Variants in RB1 observed in about 807,000 individuals in gnomAD.
RB1 encodes RB transcriptional corepressor 1, also known as retinoblastoma-associated protein.
In RB1, 18 loss-of-function variants were observed where a neutral mutation model predicts 135.4. That is an observed-to-expected ratio of 0.13 (90% confidence interval 0.09 to 0.20). The LOEUF (loss-of-function observed/expected upper bound fraction) is 0.20, where lower values mean the gene tolerates loss of function less well. Ranked by LOEUF, RB1 falls within the 10% of genes least tolerant of loss-of-function variation. RB1 has a pLI of 1.00. For synonymous variants in RB1, 365 were observed against 373.2 expected (o/e 0.98, Z 0.25); for missense variants, 868 against 1,110.0 (o/e 0.78, Z 3.10).
chr13:48,308,654 A>AAAAAAAAAC (rs1555279641), intron 2 of RB1, among the ~76,000 whole-genome samples: 1 of 152,062 alleles, frequency 6.6e-6, no homozygotes, highest in Non-Finnish European at 1.5e-5. Flanking sequence ...TCCATCTCAA[A>AAAAAAAAAC]AAAAAAACAA....
At chr13:48,353,913 A>C (rs1335818919) in intron 6 of RB1, among the ~76,000 whole-genome samples, 2 of 152,104 alleles carry the variant, frequency 1.3e-5, no homozygotes, top group Non-Finnish European at 2.9e-5. Context: ...AACCCTAAAA[A>C]ACCTGAGGAT....
At position 48,480,479 on chromosome 13, in the gene RB1, T is replaced by A. The variant is rs1949532224; in HGVS notation, c.*408T>A. 1 of 235,432 alleles carries A rather than the reference T, an allele frequency of 4.2e-6. No homozygotes were observed. Among genetic ancestry groups the A allele is most frequent in the African/African-American group, 2.2e-5 (1 of 45,208 alleles). The allele number at this position is 235,432 out of a possible 1,614,324, so 14.6% of individuals were successfully genotyped here. A position where few individuals can be genotyped will look rare whatever the true frequency, so the allele number is the denominator to read the frequency against. ...TTTATTAATTTATATGTATATTTTT[T>A]TAATTTAACATGAACACCCTTAGAA... On this transcript the variant is annotated 3_prime_UTR_variant, in exon 27 of 27. Transcript: ENST00000267163.
chr13:48,455,468 C>T (rs185837131), intron 18 of RB1, among the ~76,000 whole-genome samples: 10 of 152,234 alleles, frequency 6.6e-5, no homozygotes, highest in African/African-American at 1.4e-4. Context: ...GATAATGGGT[C>T]GCTTTTCTTA....
At chr13:48,451,170 G>A (rs994963022) in intron 17 of RB1, among the ~76,000 whole-genome samples, 1 of 152,132 alleles carries the variant, frequency 6.6e-6, no homozygotes, top group Non-Finnish European at 1.5e-5. Context: ...CCAATACTAT[G>A]TTGAATAGGA....
chr13:48,357,549 T>C (rs1194092572), intron 6 of RB1, among the ~76,000 whole-genome samples: 1 of 152,072 alleles, frequency 6.6e-6, no homozygotes, highest in African/African-American at 2.4e-5. Flanking sequence ...TTAACCCTCC[T>C]GCTAACCCAG....
At chr13:48,435,099 A>G (rs1004472212) in intron 17 of RB1, among the ~76,000 whole-genome samples, 88 of 152,158 alleles carry the variant, frequency 5.8e-4, no homozygotes, top group African/African-American at 2.0e-3. Flanking sequence ...GAAGAGTTGT[A>G]TGGTTATTTT....
At chr13:48,448,318 T>C (rs1300826386) in intron 17 of RB1, among the ~76,000 whole-genome samples, 1 of 151,930 alleles carries the variant, frequency 6.6e-6, no homozygotes, top group Non-Finnish European at 1.5e-5. Flanking sequence ...AGTTGTAGAG[T>C]CTGCTTCTTT....
intron 17 of RB1, among the ~76,000 whole-genome samples, chr13:48,440,805 T>C (rs1305483795): frequency 6.6e-6 from 1 of 152,104 alleles, no homozygotes; most frequent in Non-Finnish European, 1.5e-5. Flanking sequence ...AAATAGAAAA[T>C]GAAAGGAGCT....
intron 24 of RB1, among the ~76,000 whole-genome samples, chr13:48,474,374 T>C (rs1949491242): frequency 6.6e-6 from 1 of 152,126 alleles, no homozygotes; most frequent in Non-Finnish European, 1.5e-5. Flanking sequence ...GATGGTCCCA[T>C]CACCCTTATC....
chr13:48,307,482 T>C, intron 2 of RB1, 76 bp downstream of exon 2: 1 of 1,399,854 alleles, frequency 7.1e-7, no homozygotes, highest in Non-Finnish European at 1.0e-6. Context: ...ATACAAAAAT[T>C]GAAAGATAGA....
intron 2 of RB1, among the ~76,000 whole-genome samples, chr13:48,321,750 C>T (rs530824733): frequency 1.3e-5 from 2 of 152,056 alleles, no homozygotes; most frequent in East Asian, 3.9e-4. Flanking sequence ...CAGCTACTCT[C>T]GAGACTGAGG....
chr13:48,353,943 G>A (rs1284425291), intron 6 of RB1, among the ~76,000 whole-genome samples: 1 of 151,986 alleles, frequency 6.6e-6, no homozygotes, highest in Admixed American at 6.6e-5. Context: ...ATACCTTAAC[G>A]TAATAAAAGC....
intron 23 of RB1, among the ~76,000 whole-genome samples, chr13:48,465,688 C>A (rs1045981724): frequency 6.6e-6 from 1 of 151,254 alleles, no homozygotes; most frequent in African/African-American, 2.4e-5. Context: ...TGGGCGCAGG[C>A]CAGTGTGTGT....
At chr13:48,453,405 G>A (rs1183694207) in intron 18 of RB1, among the ~76,000 whole-genome samples, 1 of 152,180 alleles carries the variant, frequency 6.6e-6, no homozygotes, top group Non-Finnish European at 1.5e-5. Context: ...AGAGGAGACA[G>A]AGGAGTGTGT....
At chr13:48,373,264 G>T in intron 11 of RB1, 141 bp from the exon 12 acceptor site, 1 of 621,528 alleles carries the variant, frequency 1.6e-6, no homozygotes, top group Non-Finnish European at 2.9e-6. Context: ...ATAAACCACA[G>T]TCTTATTTGA....
rs1218088810 is a variant in RB1 at position 48,376,910 on chromosome 13, T to C, written c.1216-8T>C. 6.2e-7 allele frequency: 1 copy of C among 1,613,384 alleles called. No homozygotes were observed. Among genetic ancestry groups the C allele is most frequent in the African/African-American group, 1.3e-5 (1 of 75,002 alleles). On this transcript the variant is annotated splice_region_variant and splice_polypyrimidine_tract_variant and intron_variant, in intron 12 of 26. Coordinates refer to ENST00000267163, the MANE Select transcript of RB1 (RefSeq NM_000321.3). Reference sequence around the variant, plus strand: ...CTCGACATTGATTTCTGTTTTTACCTCCTAAAGAACTGCACAGTGAATCCA... The same window carrying C: ...CTCGACATTGATTTCTGTTTTTACCCCCTAAAGAACTGCACAGTGAATCCA...
intron 17 of RB1, among the ~76,000 whole-genome samples, chr13:48,414,345 A>G (rs1222867582): frequency 6.8e-6 from 1 of 147,952 alleles, no homozygotes; most frequent in African/African-American, 2.6e-5. Context: ...ACTATCTCAA[A>G]AAAAAAAAAA....
At chr13:48,320,059 CTT>C (rs1406608888) in intron 2 of RB1, 6 of 551,434 alleles carry the variant, frequency 1.1e-5, no homozygotes, top group African/African-American at 5.8e-5. Context: ...CGGCTCCACT[CTT>C]TGCCTTTAGG....
rs960911757 is a variant in RB1, at chr13:48,461,562, A to G, written c.2106+1729A>G. Among the ~76,000 whole-genome samples the G allele has an allele frequency of 1.7e-4, 26 of 152,314 alleles. No homozygotes were observed. In the South Asian group the frequency reaches 5.2e-3, roughly 30 times the overall value. On this transcript the variant is annotated intron_variant, in intron 20 of 26. Transcript: ENST00000267163. ...TAATTCTATGTTAACTTTTTGAGGA[A>G]TGCCCAGATCATTTTCCAAAGTGGC...
Sources: gnomAD v4.1 joint callset for allele counts (sites outside exome capture counted in the v4.1 genomes callset) on GRCh38, gnomAD v4.1.1 for gene constraint, MANE v1.5 for transcripts, NCBI Gene and HGNC (gene_info 2026-07-23, HGNC 2026-07-21) for gene names.